The following LRBA variants were observed in gnomAD, a reference collection of about 807,000 sequenced individuals.
LRBA encodes the protein LPS responsive beige-like anchor protein, also known as lipopolysaccharide-responsive and beige-like anchor protein.
A neutral mutation model predicts 330.0 loss-of-function variants in LRBA; 176 were observed. The observed-to-expected ratio is 0.53, with a 90% CI of 0.47 to 0.60. LRBA has a LOEUF of 0.60. LRBA is among the 20% of genes least tolerant of loss of function. LRBA has a pLI of 0.00. For synonymous variants in LRBA, 1,230 were observed against 1,193.0 expected (o/e 1.03, Z -0.64); for missense variants, 3,259 against 3,444.8 (o/e 0.95, Z 1.35).
At chr4:150,785,235 C>A (rs1201677770) in intron 34 of LRBA, among the ~76,000 whole-genome samples, 2 of 152,002 alleles carry the variant, frequency 1.3e-5, no homozygotes, top group African/African-American at 4.8e-5. Flanking sequence ...GGCGTGGGGA[C>A]AGAACTGGTT....
intron 17 of LRBA, among the ~76,000 whole-genome samples, chr4:150,882,255 C>A (rs764526520): frequency 5.3e-5 from 8 of 152,144 alleles, no homozygotes; most frequent in Non-Finnish European, 1.2e-4. Context: ...ATTTTGAACA[C>A]TTCTAACCAA....
At chr4:150,473,310 G>C (rs1433843322) in intron 42 of LRBA, among the ~76,000 whole-genome samples, 1 of 152,084 alleles carries the variant, frequency 6.6e-6, no homozygotes, top group African/African-American at 2.4e-5. Flanking sequence ...TTATCACTGA[G>C]TTGTTAGAAT....
intron 35 of LRBA, among the ~76,000 whole-genome samples, chr4:150,757,265 T>C (rs950472096): frequency 1.4e-4 from 21 of 152,290 alleles, no homozygotes; most frequent in Non-Finnish European, 3.1e-4. Flanking sequence ...CATCAGCAAA[T>C]CACTATAAAT....
At chr4:150,665,877 C>T (rs920804989) in intron 37 of LRBA, among the ~76,000 whole-genome samples, 14 of 152,150 alleles carry the variant, frequency 9.2e-5, no homozygotes, top group African/African-American at 3.1e-4. Flanking sequence ...CCAAAACCTA[C>T]GATCATTCTT....
At chr4:150,375,483 A>T (rs1161830635) in intron 47 of LRBA, among the ~76,000 whole-genome samples, 4 of 151,700 alleles carry the variant, frequency 2.6e-5, no homozygotes, top group Non-Finnish European at 4.4e-5. Flanking sequence ...TTTGAGATGG[A>T]GTCTCACTAT....
intron 44 of LRBA, among the ~76,000 whole-genome samples, chr4:150,443,872 AT>A (rs61403112): frequency 0.012 from 1,078 of 88,348 alleles, 14 homozygotes; most frequent in Admixed American, 0.031. Flanking sequence ...ATATATATAT[AT>A]TTTTTTTTTT....
intron 2 of LRBA, among the ~76,000 whole-genome samples, chr4:150,990,047 T>C (rs145519880): frequency 3.2e-3 from 489 of 152,200 alleles, no homozygotes; most frequent in Non-Finnish European, 5.2e-3. Flanking sequence ...AATATTCTTA[T>C]AGAAGTATGC....
intron 48 of LRBA, among the ~76,000 whole-genome samples, chr4:150,348,830 T>A (rs1215563877): frequency 6.6e-6 from 1 of 152,172 alleles, no homozygotes; most frequent in Non-Finnish European, 1.5e-5. Context: ...CAGTGTTTTG[T>A]AACACTACCT....
chr4:150,625,351 G>C (rs1776744869), intron 37 of LRBA, among the ~76,000 whole-genome samples: 1 of 152,140 alleles, frequency 6.6e-6, no homozygotes, highest in African/African-American at 2.4e-5. Flanking sequence ...ACAGGTGACT[G>C]ATAAAATAAA....
At chr4:150,442,747 A>G (rs1242796535) in intron 44 of LRBA, among the ~76,000 whole-genome samples, 4 of 152,224 alleles carry the variant, frequency 2.6e-5, no homozygotes, top group African/African-American at 4.8e-5. Context: ...TCTATGCTAT[A>G]AAAATGTCAG....
chr4:150,313,613 G>C (rs1392179133), intron 51 of LRBA, among the ~76,000 whole-genome samples: 1 of 151,960 alleles, frequency 6.6e-6, no homozygotes, highest in Non-Finnish European at 1.5e-5. Flanking sequence ...TATTAGAAAA[G>C]AGTTATGTTC....
chr4:150,874,190 A>G (rs1753755214), intron 17 of LRBA, among the ~76,000 whole-genome samples: 1 of 152,188 alleles, frequency 6.6e-6, no homozygotes, highest in South Asian at 2.1e-4. Context: ...TATAAAAATC[A>G]ACTGTGAGCT....
chr4:150,724,859 A>T (rs1044453996), intron 36 of LRBA, among the ~76,000 whole-genome samples: 2 of 148,314 alleles, frequency 1.3e-5, no homozygotes, highest in African/African-American at 2.5e-5. Context: ...AAATAAAATA[A>T]ATTTAAATAT....
intron 44 of LRBA, among the ~76,000 whole-genome samples, chr4:150,455,438 A>G (rs890218442): frequency 2.0e-5 from 3 of 152,048 alleles, no homozygotes; most frequent in African/African-American, 4.8e-5. Flanking sequence ...TACACCATGG[A>G]ATACTATGCA....
chr4:150,447,654 G>T (rs1752780862), intron 44 of LRBA, among the ~76,000 whole-genome samples: 2 of 152,110 alleles, frequency 1.3e-5, no homozygotes, highest in Non-Finnish European at 2.9e-5. Flanking sequence ...CAGATACATA[G>T]ATAACTCCTA....
intron 40 of LRBA, among the ~76,000 whole-genome samples, chr4:150,522,962 T>A (rs369491323): frequency 6.6e-6 from 1 of 152,072 alleles, no homozygotes; most frequent in African/African-American, 2.4e-5. Context: ...CAATGTCTAG[T>A]GGAGTTGTGG....
At chr4:150,528,055 GA>G (rs1763655884) in intron 40 of LRBA, among the ~76,000 whole-genome samples, 1 of 152,062 alleles carries the variant, frequency 6.6e-6, no homozygotes, top group South Asian at 2.1e-4. Flanking sequence ...AGTGATTCAG[GA>G]ATTCTTTAGG....
At chr4:150,723,916 GCCTGAAGGAATC>G (rs1266079834) in intron 36 of LRBA, among the ~76,000 whole-genome samples, 1 of 152,226 alleles carries the variant, frequency 6.6e-6, no homozygotes, top group Non-Finnish European at 1.5e-5. Context: ...ATCAGTGGTG[GCCTGAAGGAATC>G]CCCTGTGGAC....
At chr4:151,006,781 G>C (rs537172418) in intron 2 of LRBA, among the ~76,000 whole-genome samples, 1 of 152,200 alleles carries the variant, frequency 6.6e-6, no homozygotes, top group East Asian at 1.9e-4. Context: ...ATGCTTGCAG[G>C]AACCTAAATT....
Sources: gnomAD v4.1 joint callset for allele counts (sites outside exome capture counted in the v4.1 genomes callset) on GRCh38, gnomAD v4.1.1 for gene constraint, MANE v1.5 for transcripts, NCBI Gene and HGNC (gene_info 2026-07-23, HGNC 2026-07-21) for gene names.